Variants in TRIM5 observed in about 807,000 individuals in gnomAD.
TRIM5 encodes tripartite motif-containing protein 5.
A neutral mutation model predicts 35.6 loss-of-function variants in TRIM5; 31 were observed. That is an observed-to-expected ratio of 0.87 (90% CI 0.65 to 1.18). The LOEUF (loss-of-function observed/expected upper bound fraction) is 1.18, where lower values mean the gene tolerates loss of function less well. Ranked by LOEUF, TRIM5 falls within the 50% of genes most tolerant of loss-of-function variation. The pLI is 0.00. For missense variants in TRIM5, 609 were observed against 591.6 expected (o/e 1.03, Z -0.31); for synonymous variants, 243 against 215.6 (o/e 1.13, Z -1.11).
the TRIM5 span, chr11:5,605,410 A>G: frequency 1.5e-5 from 25 of 1,614,084 alleles, no homozygotes; most frequent in Admixed American, 2.8e-4. Context: ...GACAGAGTGG[A>G]GCAACGGGAG....
At chr11:5,616,376 TTATCTTCATTTTTCCCAACAAG>T in the TRIM5 span, among the ~76,000 whole-genome samples, 1 of 145,928 alleles carries the variant, frequency 6.9e-6, no homozygotes, top group African/African-American at 2.5e-5. Context: ...AATAATATAG[TTATCTTCATTTTTCCCAACAAG>T]TTACTGCTTG....
the TRIM5 span, chr11:5,605,395 T>G: frequency 6.2e-7 from 1 of 1,614,114 alleles, no homozygotes; most frequent in Middle Eastern, 1.6e-4. Context: ...CTGCGAAATA[T>G]CCTAGACAGA....
the TRIM5 span, among the ~76,000 whole-genome samples, chr11:5,613,823 C>T: frequency 6.6e-6 from 1 of 152,028 alleles, no homozygotes; most frequent in African/African-American, 2.4e-5. Flanking sequence ...CTTGCTAGAG[C>T]CGATATTTAA....
chr11:5,670,123 A>C (rs1851461051), intron 4 of TRIM5, among the ~76,000 whole-genome samples: 1 of 151,438 alleles, frequency 6.6e-6, no homozygotes, highest in East Asian at 1.9e-4. Context: ...AACATAAAAA[A>C]CTTTTAGGCT....
chr11:5,655,022 C>A, the TRIM5 span, among the ~76,000 whole-genome samples: 2 of 151,876 alleles, frequency 1.3e-5, no homozygotes, highest in Non-Finnish European at 2.9e-5. Context: ...GAAACCTGGT[C>A]TCAACTAAAA....
chr11:5,675,195 AT>A (rs1851852047), intron 4 of TRIM5, among the ~76,000 whole-genome samples: 2 of 139,170 alleles, frequency 1.4e-5, no homozygotes. Flanking sequence ...CGCCTGGCTA[AT>A]TTTTTGTATT....
At chr11:5,595,700 C>T in the TRIM5 span, among the ~76,000 whole-genome samples, 2 of 151,250 alleles carry the variant, frequency 1.3e-5, no homozygotes, top group African/African-American at 2.4e-5. Flanking sequence ...AACAGCTTTG[C>T]GTTGCTACCT....
the TRIM5 span, among the ~76,000 whole-genome samples, chr11:5,599,335 G>A: frequency 6.6e-6 from 1 of 152,098 alleles, no homozygotes; most frequent in Non-Finnish European, 1.5e-5. Context: ...TGGGGAGGAT[G>A]AATTGGAATT....
chr11:5,631,918 C>T, the TRIM5 span, among the ~76,000 whole-genome samples: 1 of 152,146 alleles, frequency 6.6e-6, no homozygotes, highest in East Asian at 1.9e-4. Context: ...AGAAAGATGG[C>T]AAATGTACAC....
intron 1 of TRIM5, among the ~76,000 whole-genome samples, chr11:5,683,511 A>T (rs1852713560): frequency 6.6e-6 from 1 of 151,836 alleles, no homozygotes. Flanking sequence ...GGACTTGGAG[A>T]AACTTTATGT....
At chr11:5,595,232 C>G in the TRIM5 span, 2 of 152,230 alleles carry the variant, frequency 1.3e-5, no homozygotes, top group Non-Finnish European at 2.9e-5. Flanking sequence ...TGATACTCAC[C>G]TAATCAGTCT....
the TRIM5 span, among the ~76,000 whole-genome samples, chr11:5,640,302 A>G: frequency 6.6e-6 from 1 of 151,886 alleles, no homozygotes. Context: ...TTCTATTCCA[A>G]GTTTGTTACC....
At chr11:5,593,569 T>C in the TRIM5 span, among the ~76,000 whole-genome samples, 1 of 152,270 alleles carries the variant, frequency 6.6e-6, no homozygotes, top group African/African-American at 2.4e-5. Context: ...GAATATTCTG[T>C]GACCCTTGTC....
At chr11:5,644,474 C>T in the TRIM5 span, 1 of 383,722 alleles carries the variant, frequency 2.6e-6, no homozygotes, top group Non-Finnish European at 4.6e-6. Context: ...ACTGAAGTCT[C>T]ATTTTTCAAG....
At chr11:5,596,784 G>T in the TRIM5 span, 1 of 1,550,476 alleles carries the variant, frequency 6.4e-7, no homozygotes, top group South Asian at 1.1e-5. Flanking sequence ...GATAAAAGCC[G>T]AGTGAGCGCG....
the TRIM5 span, among the ~76,000 whole-genome samples, chr11:5,597,390 G>A: frequency 4.6e-5 from 7 of 152,214 alleles, no homozygotes; most frequent in South Asian, 1.4e-3. Context: ...TTAAATTATA[G>A]GTTTCTGAAA....
chr11:5,642,423 T>C, the TRIM5 span: 1 of 1,613,032 alleles, frequency 6.2e-7, no homozygotes. Flanking sequence ...ATCTGGAGGC[T>C]GAAAAAGCCA....
the TRIM5 span, among the ~76,000 whole-genome samples, chr11:5,649,823 A>G: frequency 6.6e-6 from 1 of 152,138 alleles, no homozygotes; most frequent in Non-Finnish European, 1.5e-5. Context: ...GGGAAAAATA[A>G]CACCATATGT....
the TRIM5 span, among the ~76,000 whole-genome samples, chr11:5,640,160 A>C: frequency 6.6e-6 from 1 of 152,322 alleles, no homozygotes; most frequent in Admixed American, 6.5e-5. Flanking sequence ...TACCATGTTA[A>C]ATAGAAGTAG....
Sources: allele counts gnomAD v4.1 joint callset (sites outside exome capture counted in the v4.1 genomes callset), GRCh38; gene constraint gnomAD v4.1.1; transcripts MANE v1.5; gene names NCBI Gene and HGNC (gene_info 2026-07-23, HGNC 2026-07-21).